The following ALDH1A2 variants were observed in gnomAD, a reference collection of about 807,000 sequenced individuals.
ALDH1A2 encodes the protein retinal dehydrogenase 2.
Under a neutral mutation model 60.3 loss-of-function variants are expected in ALDH1A2, and 27 were observed. The observed-to-expected ratio is 0.45, with a 90% CI of 0.33 to 0.62. ALDH1A2 has a LOEUF of 0.62. ALDH1A2 is among the 20% of genes least tolerant of loss of function. The pLI, the probability that ALDH1A2 is intolerant of heterozygous loss-of-function variation, is 0.02. For missense variants in ALDH1A2, 581 were observed against 643.8 expected (o/e 0.90, Z 1.06); for synonymous variants, 289 against 232.4 (o/e 1.24, Z -2.21).
intron 1 of ALDH1A2, among the ~76,000 whole-genome samples, chr15:58,019,988 C>G (rs578252048): frequency 6.6e-6 from 1 of 151,872 alleles, no homozygotes; most frequent in Admixed American, 6.6e-5. Flanking sequence ...CCGCCCACCC[C>G]CTCCAACAGG....
intron 1 of ALDH1A2, among the ~76,000 whole-genome samples, chr15:58,056,094 G>A (rs1209662837): frequency 6.6e-6 from 1 of 152,106 alleles, no homozygotes; most frequent in East Asian, 1.9e-4. Context: ...TACTTATTCT[G>A]TTCCAGATAA....
chr15:57,993,936 T>C (rs2140492509), intron 5 of ALDH1A2, among the ~76,000 whole-genome samples: 1 of 152,344 alleles, frequency 6.6e-6, no homozygotes, highest in East Asian at 1.9e-4. Context: ...TACAAGTGTC[T>C]TGCCTTCACC....
intron 1 of ALDH1A2, among the ~76,000 whole-genome samples, chr15:58,040,655 C>T (rs1013103631): frequency 6.6e-6 from 1 of 151,812 alleles, no homozygotes; most frequent in African/African-American, 2.4e-5. Context: ...GTCTCCTCTG[C>T]TAAGATGTAA....
chr15:58,062,618 C>T (rs186993598), intron 1 of ALDH1A2, among the ~76,000 whole-genome samples: 66 of 152,262 alleles, frequency 4.3e-4, no homozygotes, highest in African/African-American at 1.1e-3. Context: ...CAAAGGAGAG[C>T]GCATTCTCTT....
At chr15:58,009,614 C>A (rs1275133844) in intron 4 of ALDH1A2, among the ~76,000 whole-genome samples, 1 of 150,918 alleles carries the variant, frequency 6.6e-6, no homozygotes, top group Non-Finnish European at 1.5e-5. Context: ...ATGTGCATTT[C>A]CTTTCCTTAT....
intron 7 of ALDH1A2, among the ~76,000 whole-genome samples, chr15:57,974,891 AACG>A (rs1894195083): frequency 6.6e-6 from 1 of 152,246 alleles, no homozygotes; most frequent in South Asian, 2.1e-4. Flanking sequence ...GAAAACAAAC[AACG>A]CTTGTCTCCA....
At chr15:58,042,171 T>C (rs185030579) in intron 1 of ALDH1A2, among the ~76,000 whole-genome samples, 103 of 152,102 alleles carry the variant, frequency 6.8e-4, no homozygotes, top group African/African-American at 2.4e-3. Context: ...TTGAACATAC[T>C]GTTTCCTGCC....
intron 5 of ALDH1A2, among the ~76,000 whole-genome samples, chr15:57,993,630 T>C (rs928590764): frequency 1.3e-5 from 2 of 152,230 alleles, no homozygotes; most frequent in Non-Finnish European, 2.9e-5. Flanking sequence ...AATTTTCATT[T>C]GTCTCTTTTC....
At chr15:58,003,195 A>G (rs1281553654) in intron 4 of ALDH1A2, among the ~76,000 whole-genome samples, 1 of 151,814 alleles carries the variant, frequency 6.6e-6, no homozygotes, top group Non-Finnish European at 1.5e-5. Flanking sequence ...TCAACCTCTT[A>G]AAAAGGTTCC....
intron 4 of ALDH1A2, among the ~76,000 whole-genome samples, chr15:57,999,800 C>A (rs147073548): frequency 1.5e-4 from 23 of 152,030 alleles, no homozygotes; most frequent in Middle Eastern, 3.4e-3. Flanking sequence ...ATAGCAAAGA[C>A]GTGGAATCAA....
chr15:57,976,533 TGTTA>T (rs1416891525), intron 7 of ALDH1A2, among the ~76,000 whole-genome samples: 3 of 151,626 alleles, frequency 2.0e-5, no homozygotes, highest in African/African-American at 7.3e-5. Context: ...TTTCTGTTTG[TGTTA>T]GTTTGCTGAG....
At chr15:58,009,564 C>A (rs376819066) in intron 4 of ALDH1A2, among the ~76,000 whole-genome samples, 1 of 150,958 alleles carries the variant, frequency 6.6e-6, no homozygotes, top group Admixed American at 6.7e-5. Flanking sequence ...GGTAGAACAC[C>A]TGGCACAGTG....
At chr15:57,960,925 G>T in intron 11 of ALDH1A2, 81 bp from the exon 12 acceptor site, 1 of 1,435,962 alleles carries the variant, frequency 7.0e-7, no homozygotes, top group Non-Finnish European at 9.6e-7. Flanking sequence ...TCTTTTAGAA[G>T]TTTTATTTTT....
At chr15:58,059,384 G>A (rs373791676) in intron 1 of ALDH1A2, among the ~76,000 whole-genome samples, 21 of 152,294 alleles carry the variant, frequency 1.4e-4, no homozygotes, top group Admixed American at 9.8e-4. Context: ...TCTGGAAGGT[G>A]ACTGCTCCTG....
chr15:58,061,742 T>G (rs1179231986), intron 1 of ALDH1A2, among the ~76,000 whole-genome samples: 1 of 152,090 alleles, frequency 6.6e-6, no homozygotes, highest in Non-Finnish European at 1.5e-5. Context: ...AATTATTCTA[T>G]TTATTTCTAC....
chr15:57,981,289 AACACACACACACACACAC>A (rs775138747), intron 7 of ALDH1A2, among the ~76,000 whole-genome samples: 8 of 142,136 alleles, frequency 5.6e-5, no homozygotes, highest in South Asian at 2.3e-4. Context: ...TAGAAGAGCA[AACACACACACACACACAC>A]ACACACACAC....
chr15:57,977,738 T>TA (rs1322034963), intron 7 of ALDH1A2, among the ~76,000 whole-genome samples: 1 of 152,192 alleles, frequency 6.6e-6, no homozygotes, highest in Non-Finnish European at 1.5e-5. Context: ...TCGTTTTTTC[T>TA]AATTCTATGA....
Position 57,997,974 on chromosome 15 carries a change from T to C in ALDH1A2, c.494-2835A>G, listed in dbSNP as rs531380725. On this transcript the variant is annotated intron_variant, in intron 4 of 12. Coordinates refer to ENST00000249750, the MANE Select transcript of ALDH1A2 (RefSeq NM_003888.4). ...AGTTGAAGGGACAAAGAAAGGAGGC[T>C]ACTTTCAATAAAATTCAACATTCCT... Among the ~76,000 whole-genome samples the C allele has an allele frequency of 3.3e-5, 5 of 151,854 alleles. No individual in the cohort carries two copies. The East Asian group carries it at 9.7e-4, about 30-fold the overall frequency.
intron 1 of ALDH1A2, among the ~76,000 whole-genome samples, chr15:58,019,162 A>T (rs1361076370): frequency 2.0e-5 from 3 of 152,186 alleles, no homozygotes; most frequent in Non-Finnish European, 4.4e-5. Flanking sequence ...AGCAAAAAAA[A>T]AAGTTTAAAA....
Sources: allele counts gnomAD v4.1 joint callset (sites outside exome capture counted in the v4.1 genomes callset), GRCh38; gene constraint gnomAD v4.1.1; transcripts MANE v1.5; gene names NCBI Gene and HGNC (gene_info 2026-07-23, HGNC 2026-07-21).